EYS: variants seen among roughly 807,000 people sequenced by gnomAD.
EYS encodes protein eyes shut homolog.
EYS carries 250 observed loss-of-function variants against 282.1 expected under a neutral mutation model. That is an observed-to-expected ratio of 0.89 (90% CI 0.80 to 0.98). The LOEUF is 0.98. EYS is among the 50% of genes least tolerant of loss of function. The probability of loss-of-function intolerance (pLI) is 0.00; values close to 1 mark genes in which losing one functional copy is unlikely to be tolerated. For missense variants in EYS, 4,016 were observed against 3,709.0 expected (o/e 1.08, Z -2.15); for synonymous variants, 1,355 against 1,282.9 (o/e 1.06, Z -1.20).
intron 5 of EYS, among the ~76,000 whole-genome samples, chr6:65,456,039 AAGAAAG>A (rs1764595794): frequency 8.5e-6 from 1 of 118,270 alleles, no homozygotes; most frequent in Non-Finnish European, 2.2e-5. Context: ...GGAAGAAAGA[AAGAAAG>A]AGAAAGAAAG....
At chr6:64,039,088 A>G (rs1255118344) in intron 33 of EYS, among the ~76,000 whole-genome samples, 1 of 152,170 alleles carries the variant, frequency 6.6e-6, no homozygotes, top group Non-Finnish European at 1.5e-5. Context: ...TACAGGTGTG[A>G]GTCTGTTCTA....
At chr6:65,026,787 G>T (rs1772425551) in intron 13 of EYS, among the ~76,000 whole-genome samples, 1 of 151,976 alleles carries the variant, frequency 6.6e-6, no homozygotes. Context: ...CGTGGTGGCG[G>T]GCGCCTGTAA....
chr6:64,946,797 A>G (rs1769300418), intron 14 of EYS, among the ~76,000 whole-genome samples: 2 of 152,012 alleles, frequency 1.3e-5, no homozygotes. Context: ...AATGCCAAGT[A>G]TCTCACTAAA....
intron 15 of EYS, among the ~76,000 whole-genome samples, chr6:64,918,348 G>A (rs951472368): frequency 1.3e-5 from 2 of 152,066 alleles, no homozygotes; most frequent in Non-Finnish European, 2.9e-5. Flanking sequence ...AACAGTAATA[G>A]CAAGGCAAAG....
intron 16 of EYS, among the ~76,000 whole-genome samples, chr6:64,911,096 T>G (rs1309362654): frequency 6.6e-6 from 1 of 152,034 alleles, no homozygotes; most frequent in Non-Finnish European, 1.5e-5. Context: ...ATGTTTAGAA[T>G]TGTTCTAGTA....
chr6:65,075,328 C>T (rs1774016980), intron 12 of EYS, among the ~76,000 whole-genome samples: 1 of 151,998 alleles, frequency 6.6e-6, no homozygotes, highest in African/African-American at 2.4e-5. Context: ...ATATTGCCAA[C>T]AGCTTAACAC....
At chr6:64,383,743 T>C (rs1772822411) in intron 29 of EYS, among the ~76,000 whole-genome samples, 1 of 152,216 alleles carries the variant, frequency 6.6e-6, no homozygotes, top group Non-Finnish European at 1.5e-5. Flanking sequence ...GGGTAATGAT[T>C]AACTTTTATC....
intron 35 of EYS, among the ~76,000 whole-genome samples, chr6:63,945,076 T>C (rs995039174): frequency 4.6e-5 from 7 of 152,172 alleles, no homozygotes; most frequent in African/African-American, 1.7e-4. Context: ...TTAATGACAA[T>C]ATGATTTAGC....
intron 31 of EYS, among the ~76,000 whole-genome samples, chr6:64,178,729 G>A (rs938760938): frequency 1.3e-5 from 2 of 151,814 alleles, no homozygotes; most frequent in Non-Finnish European, 2.9e-5. Context: ...CACTTTAAAC[G>A]CAGTGAAATA....
At chr6:63,807,389 C>A (rs898602371) in intron 36 of EYS, among the ~76,000 whole-genome samples, 1 of 152,194 alleles carries the variant, frequency 6.6e-6, no homozygotes, top group African/African-American at 2.4e-5. Context: ...GAAATATACT[C>A]ACTCTGGTAT....
At chr6:65,678,931 G>C (rs568799425) in intron 1 of EYS, among the ~76,000 whole-genome samples, 1 of 151,160 alleles carries the variant, frequency 6.6e-6, no homozygotes, top group Non-Finnish European at 1.5e-5. Flanking sequence ...CCCTCTTATA[G>C]ATGGCCGACA....
chr6:63,754,515 C>T (rs1248530548), intron 41 of EYS, among the ~76,000 whole-genome samples: 1 of 152,170 alleles, frequency 6.6e-6, no homozygotes, highest in African/African-American at 2.4e-5. Context: ...CTGCAAAGGA[C>T]ATGAACTCAT....
At chr6:64,609,878 G>A (rs924051987) in intron 24 of EYS, among the ~76,000 whole-genome samples, 1 of 151,200 alleles carries the variant, frequency 6.6e-6, no homozygotes, top group Non-Finnish European at 1.5e-5. Context: ...CAGAGAAAGA[G>A]CTTGTCTAAA....
intron 36 of EYS, among the ~76,000 whole-genome samples, chr6:63,863,679 T>TCTTTTCTTTTCTTTC (rs4034986): frequency 7.2e-6 from 1 of 139,234 alleles, no homozygotes; most frequent in African/African-American, 2.7e-5. Flanking sequence ...TTTTTTCTTT[T>TCTTTTCTTTTCTTTC]TTTTTTTTTT....
Position 64,230,643 on chromosome 6 carries a change from A to G in EYS, c.6373T>C (p.Ser2125Pro). The G allele has an allele frequency of 6.4e-7, 1 of 1,551,578 alleles. No individual in the cohort carries two copies. The change falls in exon 31 of 43, where the codon TCA (serine) becomes CCA (proline). Residue 2125 changes from serine to proline, a missense_variant. Physicochemically the swap from Ser to Pro is moderately conservative, Grantham distance 74. Transcript: ENST00000503581. ...HAIFLSSGIV[S>P]FQCDCPLHFT... ...TGTAGTGGACAGTCACATTGGAATG[A>G]CACTATGCCACTGGAGAGGAAGATG... is the stretch of plus-strand genomic sequence containing the variant.
chr6:65,171,854 T>C (rs934885188), intron 12 of EYS, among the ~76,000 whole-genome samples: 2 of 151,580 alleles, frequency 1.3e-5, no homozygotes, highest in Non-Finnish European at 3.0e-5. Flanking sequence ...AGTTATTCAA[T>C]ATAATTTTTG....
intron 28 of EYS, among the ~76,000 whole-genome samples, chr6:64,407,571 C>G (rs1226466095): frequency 1.3e-5 from 2 of 152,064 alleles, no homozygotes; most frequent in Non-Finnish European, 2.9e-5. Flanking sequence ...CTTCTAATTC[C>G]TCACAGGTGA....
At chr6:65,552,234 C>T (rs1481735942) in intron 2 of EYS, among the ~76,000 whole-genome samples, 3 of 152,170 alleles carry the variant, frequency 2.0e-5, no homozygotes, top group South Asian at 2.1e-4. Flanking sequence ...CTTGTTATCT[C>T]GACTACTTTG....
chr6:64,301,177 A>T, intron 30 of EYS, among the ~76,000 whole-genome samples: 1 of 152,226 alleles, frequency 6.6e-6, no homozygotes, highest in East Asian at 1.9e-4. Flanking sequence ...GCTTAAATTA[A>T]ATACTAAAAA....
Sources: allele counts gnomAD v4.1 joint callset (sites outside exome capture counted in the v4.1 genomes callset), GRCh38; gene constraint gnomAD v4.1.1; transcripts MANE v1.5; gene names NCBI Gene and HGNC (gene_info 2026-07-23, HGNC 2026-07-21).